Variants in KCNJ4 observed in about 807,000 individuals in gnomAD.
KCNJ4 encodes potassium inwardly rectifying channel subfamily J member 4, also known as inward rectifier potassium channel 4.
KCNJ4 carries 3 observed loss-of-function variants against 25.6 expected under a neutral mutation model. That is an observed-to-expected ratio of 0.12 (90% CI 0.05 to 0.30). The LOEUF is 0.30. Ranked by LOEUF, KCNJ4 falls within the 10% of genes least tolerant of loss-of-function variation. KCNJ4 has a pLI of 1.00. For synonymous variants in KCNJ4, 257 were observed against 283.9 expected, an observed-to-expected ratio of 0.91 and a Z score of 0.95; for missense variants, 286 against 666.8, an observed-to-expected ratio of 0.43 and a Z score of 6.29.
At chr22:38,448,743 C>T (rs535759958) in intron 1 of KCNJ4, among the ~76,000 whole-genome samples, 204 of 152,230 alleles carry the variant, frequency 1.3e-3, no homozygotes, top group African/African-American at 4.0e-3. Flanking sequence ...TGGTGGTCTC[C>T]GGACTCGGTT....
intron 1 of KCNJ4, among the ~76,000 whole-genome samples, chr22:38,444,670 C>G (rs2089361024): frequency 6.6e-6 from 1 of 152,212 alleles, no homozygotes; most frequent in African/African-American, 2.4e-5. Flanking sequence ...GCAGGAGGAA[C>G]AGTCAGCCCC....
chr22:38,451,887 A>C (rs1389971976), intron 1 of KCNJ4, among the ~76,000 whole-genome samples: 1 of 152,194 alleles, frequency 6.6e-6, no homozygotes, highest in Non-Finnish European at 1.5e-5. Flanking sequence ...CAGTGATTTA[A>C]GCTCCAAACC....
chr22:38,433,558 C>A (rs2145935569), intron 1 of KCNJ4, among the ~76,000 whole-genome samples: 1 of 152,334 alleles, frequency 6.6e-6, no homozygotes, highest in Middle Eastern at 3.4e-3. Context: ...CTCAAGCTAT[C>A]CTCCTGCCTC....
intron 1 of KCNJ4, among the ~76,000 whole-genome samples, chr22:38,429,694 CCGTA>C (rs1410544043): frequency 6.6e-6 from 1 of 152,158 alleles, no homozygotes; most frequent in Non-Finnish European, 1.5e-5. Context: ...CGCCTCGGGC[CCGTA>C]GAGGACAGAC....
chr22:38,432,432 G>T (rs907082960), intron 1 of KCNJ4, among the ~76,000 whole-genome samples: 7 of 152,144 alleles, frequency 4.6e-5, no homozygotes, highest in African/African-American at 1.7e-4. Flanking sequence ...TTTGAGGCTT[G>T]TTTTCTGCGA....
chr22:38,426,636 G>T lies in KCNJ4; in HGVS notation c.*159C>A. 1.1e-6 allele frequency: 1 copy of T among 918,276 alleles called. No homozygotes were observed. The highest frequency in any genetic ancestry group is 1.7e-6 in the Non-Finnish European group (1 of 600,450). 56.9% of individuals were successfully genotyped at this position (918,276 alleles called of 1,614,324 possible). Reference sequence around the variant, plus strand: ...GCTCTTCCCAGGCCTGGGTGCTGGAGTCAGGAGGAAGGGGTCCCCCAGTCT... The same window carrying T: ...GCTCTTCCCAGGCCTGGGTGCTGGATTCAGGAGGAAGGGGTCCCCCAGTCT... On this transcript the variant is annotated 3_prime_UTR_variant, in exon 2 of 2. Transcript: ENST00000303592.
rs148276071 is a variant in KCNJ4, at chr22:38,442,575, C to T, written c.-40+12405G>A. On this transcript the variant is annotated intron_variant, in intron 1 of 1. Transcript: ENST00000303592. ...AAAAAAAAAAAAAGGACTGTCACCC[C>T]GAAAGTCTGAGAACACTTCACCTAT... Among the ~76,000 whole-genome samples, 701 of 150,084 alleles carry T rather than the reference C, an allele frequency of 4.7e-3. 5 individuals carry two copies. Among genetic ancestry groups the T allele is most frequent in the Middle Eastern group, 0.035 (10 of 284 alleles).
intron 1 of KCNJ4, among the ~76,000 whole-genome samples, chr22:38,440,349 C>T (rs2089324105): frequency 6.6e-6 from 1 of 152,090 alleles, no homozygotes; most frequent in Non-Finnish European, 1.5e-5. Flanking sequence ...TGAGACTAGC[C>T]TGGTCAACAT....
In KCNJ4 at chr22:38,428,116, C is replaced by G. The variant is rs1201508729; in HGVS notation, c.17G>C (p.Arg6Pro). Residue 6 changes from arginine (R) to proline (P), a missense_variant, in exon 2 of 2, where the codon CGC becomes CCC. Arg to Pro is a moderately radical substitution (Grantham distance 103). Coordinates refer to ENST00000303592, the MANE Select transcript of KCNJ4 (RefSeq NM_152868.3). MHGHS[R>P]NGQAHVPRRK... Reference sequence around the variant, plus strand: ...CCGGGGCACGTGGGCCTGGCCGTTGCGGCTGTGTCCGTGCATGTCCTGAAG... The same window carrying G: ...CCGGGGCACGTGGGCCTGGCCGTTGGGGCTGTGTCCGTGCATGTCCTGAAG... The G allele has an allele frequency of 2.5e-6, 4 of 1,611,180 alleles. No homozygotes were observed. Among genetic ancestry groups the G allele is most frequent in the African/African-American group, 1.3e-5 (1 of 75,040 alleles).
intron 1 of KCNJ4, among the ~76,000 whole-genome samples, chr22:38,453,751 G>A (rs1192331891): frequency 6.6e-6 from 1 of 152,176 alleles, no homozygotes; most frequent in Non-Finnish European, 1.5e-5. Flanking sequence ...TTTCTGGGAG[G>A]CTGAATGGAG....
At chr22:38,432,562 A>C (rs1328265741) in intron 1 of KCNJ4, among the ~76,000 whole-genome samples, 2 of 152,038 alleles carry the variant, frequency 1.3e-5, no homozygotes, top group East Asian at 3.9e-4. Flanking sequence ...ATCCTCCCCA[A>C]CTTTTTTGAA....
chr22:38,451,322 A>C (rs1300521268), intron 1 of KCNJ4, among the ~76,000 whole-genome samples: 2 of 152,116 alleles, frequency 1.3e-5, no homozygotes, highest in East Asian at 1.9e-4. Context: ...CTCACAAAAC[A>C]ACCACAGCTG....
intron 1 of KCNJ4, among the ~76,000 whole-genome samples, chr22:38,439,103 G>A (rs1442855950): frequency 1.3e-5 from 2 of 152,228 alleles, no homozygotes; most frequent in Admixed American, 6.5e-5. Flanking sequence ...AGTTAGCTGA[G>A]TGTGGTGGTG....
At position 38,443,854 on chromosome 22, in the gene KCNJ4, C is replaced by T. The variant is rs982916048; in HGVS notation, c.-40+11126G>A. Among the ~76,000 whole-genome samples the T allele has an allele frequency of 1.3e-5, 2 of 152,198 alleles. No homozygotes were observed. The highest frequency in any genetic ancestry group is 4.8e-5 in the African/African-American group (2 of 41,446). On this transcript the variant is annotated intron_variant, in intron 1 of 1. Coordinates refer to ENST00000303592, the MANE Select transcript of KCNJ4 (RefSeq NM_152868.3). This position sits in a 1 kb window ranked among gnomAD's most constrained non-coding sequence, Gnocchi z 4.1. ...ATCACTCCCTGCTCAGAGCTCTCGT[C>T]TCCCCAGGGCACTCGGGATGAACGC...
chr22:38,431,134 G>A (rs1315942814), intron 1 of KCNJ4, among the ~76,000 whole-genome samples: 1 of 152,246 alleles, frequency 6.6e-6, no homozygotes, highest in African/African-American at 2.4e-5. Flanking sequence ...AAGGTGGGGG[G>A]CCCTGCCCAA....
chr22:38,434,033 G>A (rs1412957024), intron 1 of KCNJ4, among the ~76,000 whole-genome samples: 3 of 152,266 alleles, frequency 2.0e-5, no homozygotes, highest in East Asian at 1.9e-4. Context: ...CCCGAGATCC[G>A]TGCCACTGAC....
At chr22:38,428,691 C>T (rs1024431797) in intron 1 of KCNJ4, among the ~76,000 whole-genome samples, 1 of 152,150 alleles carries the variant, frequency 6.6e-6, no homozygotes, top group African/African-American at 2.4e-5. Context: ...ATATTAACTG[C>T]AGCTCCTTCC....
At position 38,426,819 on chromosome 22, in the gene KCNJ4, G is replaced by A; in HGVS notation, c.1314C>T (p.Ser438=). Residue 438 remains serine, a synonymous_variant, in exon 2 of 2, where the codon TCC becomes TCT. Coordinates refer to ENST00000303592, the MANE Select transcript of KCNJ4 (RefSeq NM_152868.3). ...MQASLPLDNI[S]YRRESAI ...GTCAGATGGCAGACTCCCTGCGGTA[G>A]GAGATGTTGTCCAGCGGGAGGGAAG... 4.3e-6 allele frequency: 7 copies of A among 1,612,668 alleles called. No individual in the cohort carries two copies. Among genetic ancestry groups the A allele is most frequent in the Non-Finnish European group, 5.9e-6 (7 of 1,179,322 alleles).
In KCNJ4 at chr22:38,443,717, G is replaced by A. The variant is rs931967971; in HGVS notation, c.-40+11263C>T. On this transcript the variant is annotated intron_variant, in intron 1 of 1. Coordinates refer to ENST00000303592, the MANE Select transcript of KCNJ4 (RefSeq NM_152868.3). This position sits in a 1 kb window ranked among gnomAD's most constrained non-coding sequence, Gnocchi z 4.1. ...GGGTGAACCTCGGGGCCCCGGACAC[G>A]TCCCCTCACCTAGTCATCCACCCCA... 6.6e-6 allele frequency among the ~76,000 whole-genome samples: 1 copy of A among 152,074 alleles called. No individual in the cohort carries two copies.
Sources: gnomAD v4.1 joint callset for allele counts (sites outside exome capture counted in the v4.1 genomes callset) on GRCh38, gnomAD v4.1.1 for gene constraint, Gnocchi (gnomAD v3.1) non-coding constraint, MANE v1.5 for transcripts, NCBI Gene and HGNC (gene_info 2026-07-23, HGNC 2026-07-21) for gene names.